Variants in STPG2 observed in about 807,000 individuals in gnomAD.
STPG2 encodes sperm tail PG-rich repeat containing 2.
Under a neutral mutation model 54.2 loss-of-function variants are expected in STPG2, and 56 were observed. That is an observed-to-expected ratio of 1.03 (90% confidence interval 0.83 to 1.29). The LOEUF (loss-of-function observed/expected upper bound fraction) is 1.29, where lower values mean the gene tolerates loss of function less well. STPG2 is among the 50% of genes most tolerant of loss of function. The probability of loss-of-function intolerance (pLI) is 0.00; values close to 1 mark genes in which losing one functional copy is unlikely to be tolerated. For missense variants in STPG2, 596 were observed against 544.9 expected (o/e 1.09, Z -0.93); for synonymous variants, 200 against 181.8 (o/e 1.10, Z -0.81).
chr4:97,817,786 A>G (rs1275650416), intron 9 of STPG2, among the ~76,000 whole-genome samples: 1 of 151,972 alleles, frequency 6.6e-6, no homozygotes, highest in Admixed American at 6.6e-5. Context: ...AAGCCTATTT[A>G]AAATTTTCTA....
chr4:97,900,409 T>A (rs1465796520), intron 8 of STPG2, among the ~76,000 whole-genome samples: 1 of 152,026 alleles, frequency 6.6e-6, no homozygotes, highest in Non-Finnish European at 1.5e-5. Context: ...AACGCAGCAA[T>A]CCCATTACCG....
At chr4:97,644,770 C>G (rs1231418643) in intron 10 of STPG2, among the ~76,000 whole-genome samples, 2 of 152,008 alleles carry the variant, frequency 1.3e-5, no homozygotes, top group Non-Finnish European at 2.9e-5. Flanking sequence ...GCATAATTAA[C>G]AGACCAGTAA....
chr4:97,721,101 T>A (rs533187953), intron 9 of STPG2, among the ~76,000 whole-genome samples: 1 of 152,202 alleles, frequency 6.6e-6, no homozygotes, highest in African/African-American at 2.4e-5. Flanking sequence ...TAGAAAAATC[T>A]TTCAACTGCA....
At chr4:97,659,672 G>A (rs922657830) in intron 10 of STPG2, among the ~76,000 whole-genome samples, 11 of 152,202 alleles carry the variant, frequency 7.2e-5, no homozygotes, top group African/African-American at 2.7e-4. Flanking sequence ...GTAGGTTTCA[G>A]TACCAGTTCA....
At chr4:97,672,289 T>A (rs2148970233) in intron 10 of STPG2, among the ~76,000 whole-genome samples, 1 of 147,902 alleles carries the variant, frequency 6.8e-6, no homozygotes, top group African/African-American at 2.5e-5. Context: ...TTCTCCTGCC[T>A]CAGTCTCCTG....
intron 8 of STPG2, among the ~76,000 whole-genome samples, chr4:97,856,112 C>T (rs1578626499): frequency 6.6e-6 from 1 of 152,104 alleles, no homozygotes; most frequent in Non-Finnish European, 1.5e-5. Flanking sequence ...ATGCCTCCAG[C>T]TATGTTCTTT....
At chr4:98,064,710 C>T (rs72886093) in intron 5 of STPG2, among the ~76,000 whole-genome samples, 3,952 of 152,140 alleles carry the variant, frequency 0.026, 177 homozygotes, top group African/African-American at 0.089. Flanking sequence ...ATAAATTCAG[C>T]GGTATATTGT....
intron 5 of STPG2, among the ~76,000 whole-genome samples, chr4:98,071,933 G>C (rs1483106091): frequency 1.3e-5 from 2 of 152,084 alleles, no homozygotes; most frequent in Admixed American, 6.6e-5. Context: ...GTTGTGGAGA[G>C]AAAAGAATAC....
chr4:98,085,782 A>C (rs940278111), intron 5 of STPG2, among the ~76,000 whole-genome samples: 2 of 152,028 alleles, frequency 1.3e-5, no homozygotes, highest in Non-Finnish European at 2.9e-5. Context: ...TTTCTAAGCA[A>C]TCATAATATG....
At chr4:97,897,991 A>G (rs1731026158) in intron 8 of STPG2, among the ~76,000 whole-genome samples, 1 of 152,068 alleles carries the variant, frequency 6.6e-6, no homozygotes, top group African/African-American at 2.4e-5. Flanking sequence ...CTCCTATTCC[A>G]GAATAGTATT....
chr4:97,443,450 G>C (rs1729140500), intron 4 of STPG2, among the ~76,000 whole-genome samples: 1 of 152,134 alleles, frequency 6.6e-6, no homozygotes, highest in Non-Finnish European at 1.5e-5. Context: ...ATATCAAATG[G>C]AATCAAGAGT....
intron 4 of STPG2, among the ~76,000 whole-genome samples, chr4:97,521,300 A>C (rs773782825): frequency 3.9e-5 from 6 of 152,068 alleles, no homozygotes; most frequent in Non-Finnish European, 5.9e-5. Flanking sequence ...GAATTTTAAG[A>C]ATCAAGGAAA....
intron 10 of STPG2, among the ~76,000 whole-genome samples, chr4:97,627,709 G>T (rs1734169811): frequency 6.6e-6 from 1 of 151,988 alleles, no homozygotes; most frequent in Non-Finnish European, 1.5e-5. Context: ...GAGAATTTTG[G>T]CATTAATCTG....
At chr4:97,693,100 A>G (rs1484631477) in intron 10 of STPG2, among the ~76,000 whole-genome samples, 1 of 151,678 alleles carries the variant, frequency 6.6e-6, no homozygotes, top group African/African-American at 2.4e-5. Flanking sequence ...TCCTTAAAGC[A>G]CAAATCTCAC....
intron 10 of STPG2, among the ~76,000 whole-genome samples, chr4:97,680,317 T>C (rs1197531617): frequency 6.6e-6 from 1 of 151,540 alleles, no homozygotes; most frequent in Non-Finnish European, 1.5e-5. Flanking sequence ...CAGTGGTTTG[T>C]AGTTCTCCTT....
chr4:97,813,677 TAAAAAAAAAAAAAAAAAAA>T lies in STPG2; in HGVS notation c.1204+27077_1204+27095del, dbSNP rs869298230. Among the ~76,000 whole-genome samples the T allele has an allele frequency of 2.0e-4, 9 of 45,944 alleles. 1 individual carries two copies. Among genetic ancestry groups the T allele is most frequent in the African/African-American group, 2.4e-4 (3 of 12,702 alleles). The allele number at this position is 45,944 out of a possible 152,430, so 30.1% of individuals were successfully genotyped here. ...GGCAGCATAGCAAGACCCTGTCTCT[TAAAAAAAAAAAAAAAAAAA>T]AAAAAAAAAAAAAAAGCATGTTTTA... On this transcript the variant is annotated intron_variant, in intron 9 of 10. Coordinates refer to ENST00000295268, the MANE Select transcript of STPG2 (RefSeq NM_174952.3).
intron 5 of STPG2, among the ~76,000 whole-genome samples, chr4:98,081,008 CTT>C (rs1738326498): frequency 6.6e-6 from 1 of 152,184 alleles, no homozygotes; most frequent in Non-Finnish European, 1.5e-5. Flanking sequence ...GCCTTGGCCA[CTT>C]TTATGTCCTT....
At chr4:98,068,022 A>G (rs1737887312) in intron 5 of STPG2, among the ~76,000 whole-genome samples, 1 of 152,132 alleles carries the variant, frequency 6.6e-6, no homozygotes, top group Non-Finnish European at 1.5e-5. Context: ...TCCAAACCTA[A>G]TCTTTATTTC....
chr4:97,539,339 T>A (rs983263761), intron 4 of STPG2, among the ~76,000 whole-genome samples: 1 of 151,960 alleles, frequency 6.6e-6, no homozygotes, highest in Non-Finnish European at 1.5e-5. Context: ...AAGAAAGGGA[T>A]GGAGGAAGAT....
Sources: allele counts gnomAD v4.1 joint callset (sites outside exome capture counted in the v4.1 genomes callset), GRCh38; gene constraint gnomAD v4.1.1; transcripts MANE v1.5; gene names NCBI Gene and HGNC (gene_info 2026-07-23, HGNC 2026-07-21).